Variants in PRKAG2 observed in about 807,000 individuals in gnomAD.
The protein encoded by PRKAG2 is protein kinase AMP-activated non-catalytic subunit gamma 2, also known as 5'-AMP-activated protein kinase subunit gamma-2.
Under a neutral mutation model 69.6 loss-of-function variants are expected in PRKAG2, and 26 were observed. The ratio of observed to expected loss-of-function variants is 0.37; its 90% CI spans 0.27 to 0.52. The LOEUF (loss-of-function observed/expected upper bound fraction) is 0.52. PRKAG2 is among the 20% of genes least tolerant of loss of function. The probability of loss-of-function intolerance (pLI) is 0.90; values close to 1 mark genes in which losing one functional copy is unlikely to be tolerated. For missense variants in PRKAG2, 557 were observed against 740.0 expected (o/e 0.75, Z 2.87); for synonymous variants, 293 against 285.0 (o/e 1.03, Z -0.28).
At chr7:151,658,656 C>T (rs965010698) in intron 4 of PRKAG2, among the ~76,000 whole-genome samples, 15 of 152,096 alleles carry the variant, frequency 9.9e-5, no homozygotes, top group African/African-American at 3.4e-4. Context: ...TGCGAACACA[C>T]GCCGAAACAG....
intron 3 of PRKAG2, among the ~76,000 whole-genome samples, chr7:151,704,055 C>G (rs996760522): frequency 6.6e-6 from 1 of 150,990 alleles, no homozygotes; most frequent in Non-Finnish European, 1.5e-5. Context: ...GACCGAGACT[C>G]TGTCTCAAAA....
intron 1 of PRKAG2, among the ~76,000 whole-genome samples, chr7:151,863,168 T>C (rs2079979272): frequency 1.3e-5 from 2 of 151,262 alleles, no homozygotes; most frequent in African/African-American, 4.9e-5. Context: ...CAGGGGGCGC[T>C]GGTAGATCCC....
rs1167536605 is a variant in PRKAG2, at chr7:151,699,350, C to T, written c.467-23713G>A. Among the ~76,000 whole-genome samples, 1 of 152,174 alleles carries T rather than the reference C, an allele frequency of 6.6e-6. No homozygotes were observed. Among genetic ancestry groups the T allele is most frequent in the Non-Finnish European group, 1.5e-5 (1 of 68,042 alleles). ...TCTCCGGGAGATGCTGACTGCTGGC[C>T]GGATGCCTGTGTGGTTACGATCCGG... On this transcript the variant is annotated intron_variant, in intron 3 of 15. Coordinates refer to ENST00000287878, the MANE Select transcript of PRKAG2 (RefSeq NM_016203.4). This position sits in a 1 kb window ranked among gnomAD's most constrained non-coding sequence, Gnocchi z 4.5.
intron 1 of PRKAG2, among the ~76,000 whole-genome samples, chr7:151,812,692 G>A (rs1392204960): frequency 6.6e-6 from 1 of 152,144 alleles, no homozygotes; most frequent in East Asian, 1.9e-4. Flanking sequence ...TTAGGGACTG[G>A]GTCCACCCAA....
At chr7:151,821,098 G>C (rs1163568902) in intron 1 of PRKAG2, among the ~76,000 whole-genome samples, 1 of 3,312 alleles carries the variant, frequency 3.0e-4, no homozygotes, top group Non-Finnish European at 1.4e-3. Context: ...ACACAACATC[G>C]TGTGTGGCAC....
intron 3 of PRKAG2, among the ~76,000 whole-genome samples, chr7:151,728,038 C>T (rs1184045294): frequency 6.6e-6 from 1 of 152,152 alleles, no homozygotes; most frequent in Non-Finnish European, 1.5e-5. Context: ...CTCCGGGGGC[C>T]CGTCCTCCGT....
chr7:151,577,492 G>T (rs868291385), intron 6 of PRKAG2, among the ~76,000 whole-genome samples: 1 of 152,132 alleles, frequency 6.6e-6, no homozygotes, highest in Admixed American at 6.5e-5. Flanking sequence ...TAAATAAGCC[G>T]ATATTTTAAA....
At chr7:151,558,904 A>G in intron 15 of PRKAG2, 2 of 985,464 alleles carry the variant, frequency 2.0e-6, no homozygotes, top group Non-Finnish European at 2.4e-6. Flanking sequence ...ATCAAGAAAC[A>G]GAGAGGATGA....
chr7:151,772,177 C>T (rs2076052898), intron 3 of PRKAG2, among the ~76,000 whole-genome samples: 1 of 152,204 alleles, frequency 6.6e-6, no homozygotes, highest in South Asian at 2.1e-4. Flanking sequence ...GGCCTTTCTA[C>T]TAAGGTGAGT....
At chr7:151,622,831 G>C (rs991550048) in intron 5 of PRKAG2, among the ~76,000 whole-genome samples, 1 of 152,148 alleles carries the variant, frequency 6.6e-6, no homozygotes, top group African/African-American at 2.4e-5. Context: ...TTAAATTTTT[G>C]CTCGGTTTCT....
At chr7:151,747,366 G>A (rs1465785117) in intron 3 of PRKAG2, among the ~76,000 whole-genome samples, 1 of 152,188 alleles carries the variant, frequency 6.6e-6, no homozygotes, top group Non-Finnish European at 1.5e-5. Flanking sequence ...AGACCAGCCT[G>A]GCCAACATGG....
chr7:151,733,068 T>C (rs909717173), intron 3 of PRKAG2, among the ~76,000 whole-genome samples: 6 of 152,220 alleles, frequency 3.9e-5, no homozygotes, highest in African/African-American at 1.4e-4. Flanking sequence ...GGCACAGGCT[T>C]GGGAGGGAGG....
At chr7:151,582,075 G>A (rs1182729780) in intron 6 of PRKAG2, among the ~76,000 whole-genome samples, 2 of 152,226 alleles carry the variant, frequency 1.3e-5, no homozygotes, top group Non-Finnish European at 2.9e-5. Flanking sequence ...CTGATGCTGC[G>A]TGGTCAATGG....
chr7:151,866,983 C>T (rs1404959860), intron 1 of PRKAG2, among the ~76,000 whole-genome samples: 1 of 152,160 alleles, frequency 6.6e-6, no homozygotes, highest in African/African-American at 2.4e-5. Context: ...AGAGCTGCCA[C>T]ACCAGCCTCT....
chr7:151,862,205 A>G (rs538926495), intron 1 of PRKAG2, among the ~76,000 whole-genome samples: 1 of 152,202 alleles, frequency 6.6e-6, no homozygotes, highest in Admixed American at 6.5e-5. Flanking sequence ...TGTACTAGTC[A>G]ATCAGCCTGA....
intron 3 of PRKAG2, among the ~76,000 whole-genome samples, chr7:151,715,814 C>T (rs1277486939): frequency 6.6e-6 from 1 of 150,866 alleles, no homozygotes; most frequent in Non-Finnish European, 1.5e-5. Context: ...GTGCTCAAGG[C>T]GAAAGGCAAA....
chr7:151,558,774 T>C lies in PRKAG2; in HGVS notation c.1679-1542A>G, dbSNP rs1207581973. The C allele has an allele frequency of 3.0e-6, 3 of 985,294 alleles. No homozygotes were observed. In the Admixed American group the frequency reaches 1.8e-4, roughly 61 times the overall value. The allele number at this position is 985,294 out of a possible 1,614,324, so 61.0% of individuals were successfully genotyped here. A position where few individuals can be genotyped will look rare whatever the true frequency, so the allele number is the denominator to read the frequency against. Reference sequence around the variant, plus strand: ...TTCCAAATTCCAGCTGGAAATAGATTCCTCTCTGCACCAGCAGTGATGGGA... The same window carrying C: ...TTCCAAATTCCAGCTGGAAATAGATCCCTCTCTGCACCAGCAGTGATGGGA... On this transcript the variant is annotated intron_variant, in intron 15 of 15. Coordinates refer to ENST00000287878, the MANE Select transcript of PRKAG2 (RefSeq NM_016203.4).
At position 151,557,027 on chromosome 7, in the gene PRKAG2, T is replaced by C; in HGVS notation, c.*174A>G. 1 of 1,080,164 alleles carries C rather than the reference T, an allele frequency of 9.3e-7. No homozygotes were observed. The highest frequency in any genetic ancestry group is 1.4e-6 in the Non-Finnish European group (1 of 738,450). The allele number at this position is 1,080,164 out of a possible 1,614,324, so 66.9% of individuals were successfully genotyped here. A position where few individuals can be genotyped will look rare whatever the true frequency, so the allele number is the denominator to read the frequency against. Reference sequence around the variant, plus strand: ...AGTCTTTTAATGCAAGCCTGAATCTTCAAGCACATAAAATCTTTCTTTTTT... The same window carrying C: ...AGTCTTTTAATGCAAGCCTGAATCTCCAAGCACATAAAATCTTTCTTTTTT... On this transcript the variant is annotated 3_prime_UTR_variant, in exon 16 of 16. Coordinates refer to ENST00000287878, the MANE Select transcript of PRKAG2 (RefSeq NM_016203.4).
chr7:151,782,297 A>AAAGGAAGGAAGGAAGGAAGGAAGG (rs869298573), intron 2 of PRKAG2, among the ~76,000 whole-genome samples: 2 of 39,760 alleles, frequency 5.0e-5, no homozygotes, highest in African/African-American at 1.9e-4. Context: ...GAAAGGAAAG[A>AAAGGAAGGAAGGAAGGAAGGAAGG]AAGGAAGGAA....
Sources: allele counts gnomAD v4.1 joint callset (sites outside exome capture counted in the v4.1 genomes callset), GRCh38; gene constraint gnomAD v4.1.1; non-coding constraint Gnocchi (gnomAD v3.1); transcripts MANE v1.5; gene names NCBI Gene and HGNC (gene_info 2026-07-23, HGNC 2026-07-21).